Variants in PEBP4 observed in about 807,000 individuals in gnomAD.
The protein encoded by PEBP4 is phosphatidylethanolamine binding protein 4, also known as phosphatidylethanolamine-binding protein 4.
In PEBP4, 22 loss-of-function variants were observed where a neutral mutation model predicts 23.9. That is an observed-to-expected ratio of 0.92 (90% CI 0.66 to 1.31). The LOEUF is 1.31. Ranked by LOEUF, PEBP4 falls within the 40% of genes most tolerant of loss-of-function variation. The pLI is 0.00. For missense variants in PEBP4, 324 were observed against 281.7 expected (o/e 1.15, Z -1.07); for synonymous variants, 112 against 99.3 (o/e 1.13, Z -0.76).
rs1804660610 is a variant in PEBP4, at chr8:22,728,442, C to A, written c.358-1222G>T. Among the ~76,000 whole-genome samples, 7 of 152,170 alleles carry A rather than the reference C, an allele frequency of 4.6e-5. No individual in the cohort carries two copies. The South Asian group carries it at 1.5e-3, about 32-fold the overall frequency. ...GGAGACTGTGGAAGGATAGACCCTT[C>A]CCCCACGAGCCCCTTGTACTTTGTC... On this transcript the variant is annotated intron_variant, in intron 4 of 6. Coordinates refer to ENST00000256404, the MANE Select transcript of PEBP4 (RefSeq NM_144962.3).
At chr8:22,889,411 C>T (rs533163378) in intron 3 of PEBP4, among the ~76,000 whole-genome samples, 1 of 152,292 alleles carries the variant, frequency 6.6e-6, no homozygotes, top group South Asian at 2.1e-4. Flanking sequence ...GACCCCAGTC[C>T]CCTTCAGAAG....
At chr8:22,750,898 C>A (rs888616578) in intron 4 of PEBP4, among the ~76,000 whole-genome samples, 3 of 152,050 alleles carry the variant, frequency 2.0e-5, no homozygotes, top group African/African-American at 7.3e-5. Flanking sequence ...AGCCAAATTT[C>A]TTTTTATATG....
chr8:22,832,326 C>G (rs1231674874), intron 3 of PEBP4, among the ~76,000 whole-genome samples: 1 of 152,144 alleles, frequency 6.6e-6, no homozygotes, highest in Non-Finnish European at 1.5e-5. Flanking sequence ...AGAAGAGACA[C>G]TAGAGAACTC....
chr8:22,840,678 A>G (rs901589773), intron 3 of PEBP4, among the ~76,000 whole-genome samples: 5 of 152,164 alleles, frequency 3.3e-5, no homozygotes, highest in Non-Finnish European at 7.4e-5. Flanking sequence ...TGTGGGGAAA[A>G]TGTGAATCAG....
At position 22,775,155 on chromosome 8, in the gene PEBP4, T is replaced by A. The variant is rs1024204986; in HGVS notation, c.357+42482A>T. On this transcript the variant is annotated intron_variant, in intron 4 of 6. Transcript: ENST00000256404. The surrounding 1 kb of genome is among the most constrained non-coding windows in gnomAD (Gnocchi z 4.8). ...ACCATAAGAGACGGGCCCCAAGTTC[T>A]CTTCTAAGGTCATGTTCTAGGTTTT... 2.0e-5 allele frequency among the ~76,000 whole-genome samples: 3 copies of A among 152,210 alleles called. No homozygotes were observed. The highest frequency in any genetic ancestry group is 7.2e-5 in the African/African-American group (3 of 41,456).
chr8:22,854,318 G>C (rs747163428), intron 3 of PEBP4, among the ~76,000 whole-genome samples: 33 of 152,086 alleles, frequency 2.2e-4, no homozygotes, highest in Non-Finnish European at 3.2e-4. Context: ...TTTTGCAGAG[G>C]GCTCACCAAA....
At chr8:22,899,718 A>G (rs1193809046) in intron 3 of PEBP4, among the ~76,000 whole-genome samples, 5 of 152,192 alleles carry the variant, frequency 3.3e-5, no homozygotes, top group African/African-American at 7.2e-5. Context: ...CATCTGCTCA[A>G]TGCTAGAAAG....
chr8:22,786,035 A>G (rs926571326), intron 4 of PEBP4, among the ~76,000 whole-genome samples: 1 of 152,196 alleles, frequency 6.6e-6, no homozygotes, highest in Non-Finnish European at 1.5e-5. Flanking sequence ...AAGACAGTGC[A>G]TGTTTAGAAA....
chr8:22,889,057 A>T (rs1195120174), intron 3 of PEBP4, among the ~76,000 whole-genome samples: 1 of 152,214 alleles, frequency 6.6e-6, no homozygotes. Context: ...TCTCAAGTGG[A>T]TCATAAGCTC....
chr8:22,778,464 A>G (rs915671482), intron 4 of PEBP4, among the ~76,000 whole-genome samples: 1 of 150,842 alleles, frequency 6.6e-6, no homozygotes, highest in Non-Finnish European at 1.5e-5. Flanking sequence ...AGCTCACTGC[A>G]ACCTCCGCCT....
At chr8:22,795,167 T>A (rs28407926) in intron 4 of PEBP4, among the ~76,000 whole-genome samples, 1,301 of 21,924 alleles carry the variant, frequency 0.059, 26 homozygotes, top group African/African-American at 0.17. Context: ...ATATATATTT[T>A]TTTTTTTTTT....
chr8:22,749,819 T>TTC (rs1193448100), intron 4 of PEBP4, among the ~76,000 whole-genome samples: 25 of 143,786 alleles, frequency 1.7e-4, no homozygotes, highest in African/African-American at 6.3e-4. Context: ...TTTTTTTTTT[T>TTC]TTTTGAGATG....
intron 3 of PEBP4, among the ~76,000 whole-genome samples, chr8:22,862,835 C>G (rs1807807937): frequency 7.2e-6 from 1 of 138,974 alleles, no homozygotes; most frequent in African/African-American, 2.7e-5. Context: ...GAGTGTCGCT[C>G]TGTCACCCAG....
intron 3 of PEBP4, among the ~76,000 whole-genome samples, chr8:22,854,027 G>A (rs751123045): frequency 6.6e-6 from 1 of 152,258 alleles, no homozygotes; most frequent in South Asian, 2.1e-4. Context: ...AGAAAAAAAT[G>A]ATCCATCCAA....
chr8:22,929,152 G>A (rs184202805), upstream of PEBP4, among the ~76,000 whole-genome samples: 2 of 152,326 alleles, frequency 1.3e-5, no homozygotes, highest in South Asian at 2.1e-4. Context: ...CTGGCACATA[G>A]TAAATGCTCA....
chr8:22,872,138 T>C (rs571392158), intron 3 of PEBP4, among the ~76,000 whole-genome samples: 1 of 152,242 alleles, frequency 6.6e-6, no homozygotes, highest in African/African-American at 2.4e-5. Context: ...TAGTATCCTA[T>C]GGTATGTATA....
intron 3 of PEBP4, among the ~76,000 whole-genome samples, chr8:22,828,200 C>T (rs1585295113): frequency 6.6e-6 from 1 of 152,086 alleles, no homozygotes; most frequent in Non-Finnish European, 1.5e-5. Flanking sequence ...GGGAGAGGGG[C>T]TACCCAGTTG....
At chr8:22,862,719 C>T (rs562160556) in intron 3 of PEBP4, among the ~76,000 whole-genome samples, 1 of 151,952 alleles carries the variant, frequency 6.6e-6, no homozygotes, top group Admixed American at 6.5e-5. Context: ...ATAAGTAAGT[C>T]ACAACCTCCC....
intron 2 of PEBP4, chr8:22,925,247 T>C: frequency 4.1e-6 from 4 of 985,442 alleles, no homozygotes; most frequent in Non-Finnish European, 3.6e-6. Context: ...CTTAAGGTCA[T>C]AAGTCTCTTT....
Sources: gnomAD v4.1 joint callset for allele counts (sites outside exome capture counted in the v4.1 genomes callset) on GRCh38, gnomAD v4.1.1 for gene constraint, Gnocchi (gnomAD v3.1) non-coding constraint, MANE v1.5 for transcripts, NCBI Gene and HGNC (gene_info 2026-07-23, HGNC 2026-07-21) for gene names.